The following ST7L variants were observed in gnomAD, a reference collection of about 807,000 sequenced individuals.
ST7L encodes the protein suppression of tumorigenicity 7 like, also known as suppressor of tumorigenicity 7 protein-like.
Under a neutral mutation model 72.5 loss-of-function variants are expected in ST7L, and 57 were observed. That is an observed-to-expected ratio of 0.79 (90% CI 0.64 to 0.98). ST7L has a LOEUF of 0.98. ST7L is among the 50% of genes least tolerant of loss of function. ST7L has a pLI of 0.00. For missense variants in ST7L, 576 were observed against 672.2 expected, an observed-to-expected ratio of 0.86 and a Z score of 1.58; for synonymous variants, 221 against 240.9, an observed-to-expected ratio of 0.92 and a Z score of 0.77.
chr1:112,518,765 A>G (rs1314805565), downstream of ST7L, among the ~76,000 whole-genome samples: 1 of 152,172 alleles, frequency 6.6e-6, no homozygotes, highest in Non-Finnish European at 1.5e-5. Context: ...TAGGCCTCCT[A>G]AAACCCAAAG....
chr1:112,583,889 T>G, intron 7 of ST7L, 83 bp downstream of exon 7: 1 of 1,482,310 alleles, frequency 6.7e-7, no homozygotes, highest in Non-Finnish European at 9.1e-7. Flanking sequence ...AAGTATTAAG[T>G]TTTTTATTAT....
chr1:112,611,907 C>A (rs7546203), intron 2 of ST7L, among the ~76,000 whole-genome samples: 31,871 of 144,132 alleles, frequency 0.22, 3,615 homozygotes, highest in Middle Eastern at 0.28. Flanking sequence ...GAGGTCAAGG[C>A]TGCAGTGAGC....
At chr1:112,592,732 T>C (rs1665894954) in intron 5 of ST7L, among the ~76,000 whole-genome samples, 1 of 152,228 alleles carries the variant, frequency 6.6e-6, no homozygotes, top group African/African-American at 2.4e-5. Context: ...GGTACTCTAG[T>C]ATATTAAATA....
At chr1:112,526,263 A>G in intron 14 of ST7L, 152 bp from the exon 15 acceptor site, 1 of 911,138 alleles carries the variant, frequency 1.1e-6, no homozygotes, top group Non-Finnish European at 1.7e-6. Context: ...TGCCACTATT[A>G]CCACCAGTAC....
intron 14 of ST7L, chr1:112,539,745 C>G (rs572704758): frequency 1.0e-6 from 1 of 984,716 alleles, no homozygotes; most frequent in African/African-American, 1.8e-5. Flanking sequence ...TTAAATGGAA[C>G]CTGCCTTTGG....
At chr1:112,538,620 C>T (rs1655594413) in intron 14 of ST7L, among the ~76,000 whole-genome samples, 1 of 152,178 alleles carries the variant, frequency 6.6e-6, no homozygotes, top group Non-Finnish European at 1.5e-5. Flanking sequence ...GCTGGGATTA[C>T]AAGCACGAGA....
At chr1:112,581,734 TATTCTGA>T (rs1245080739) in intron 9 of ST7L, among the ~76,000 whole-genome samples, 1 of 152,138 alleles carries the variant, frequency 6.6e-6, no homozygotes, top group African/African-American at 2.4e-5. Flanking sequence ...TTCACTGTCA[TATTCTGA>T]ATGACTCACT....
chr1:112,556,966 C>CAAAAAAAAAAAAAAAAAAAAAAAAA (rs60106072), intron 11 of ST7L, among the ~76,000 whole-genome samples: 27 of 49,526 alleles, frequency 5.5e-4, no homozygotes, highest in Middle Eastern at 0.019. Context: ...GACTCTGTCT[C>CAAAAAAAAAAAAAAAAAAAAAAAAA]AAAAAAAAAA....
chr1:112,595,431 G>A (rs990106414), intron 5 of ST7L, among the ~76,000 whole-genome samples: 1 of 149,562 alleles, frequency 6.7e-6, no homozygotes, highest in African/African-American at 2.5e-5. Flanking sequence ...TGCTTGCTTG[G>A]TTGTTTTTTT....
At chr1:112,613,859 C>T (rs12079136) in intron 2 of ST7L, among the ~76,000 whole-genome samples, 2,009 of 152,144 alleles carry the variant, frequency 0.013, 56 homozygotes, top group African/African-American at 0.046. Flanking sequence ...TCTGAAGTAG[C>T]TGGGACTACA....
intron 5 of ST7L, among the ~76,000 whole-genome samples, chr1:112,593,393 G>A (rs1232361541): frequency 6.6e-5 from 10 of 152,012 alleles, no homozygotes; most frequent in Non-Finnish European, 1.5e-5. Context: ...ATTAAAACAA[G>A]CAATTAGCAA....
intron 3 of ST7L, among the ~76,000 whole-genome samples, chr1:112,606,220 G>C (rs1668216823): frequency 6.6e-6 from 1 of 152,222 alleles, no homozygotes; most frequent in Non-Finnish European, 1.5e-5. Context: ...GATAGGCTGA[G>C]AATTTCCAAA....
chr1:112,529,719 G>T (rs1213850628), intron 14 of ST7L: 3 of 142,686 alleles, frequency 2.1e-5, no homozygotes, highest in African/African-American at 7.9e-5. Flanking sequence ...AAAACAGAAG[G>T]TTACTCTCAA....
At chr1:112,570,737 A>G (rs1571088430) in intron 11 of ST7L, 2 of 456,348 alleles carry the variant, frequency 4.4e-6, no homozygotes, top group African/African-American at 2.0e-5. Flanking sequence ...GGGTCTGTAC[A>G]TACTTCATCA....
intron 3 of ST7L, among the ~76,000 whole-genome samples, chr1:112,606,837 CTCT>C (rs1272340574): frequency 1.3e-5 from 2 of 152,172 alleles, no homozygotes; most frequent in Non-Finnish European, 2.9e-5. Context: ...AGCAATCCCT[CTCT>C]TCTTCTTACA....
intron 6 of ST7L, among the ~76,000 whole-genome samples, chr1:112,584,471 A>G (rs1664590523): frequency 6.6e-6 from 1 of 151,618 alleles, no homozygotes; most frequent in Non-Finnish European, 1.5e-5. Context: ...TCTGAATTGT[A>G]TACCCTCTAC....
At chr1:112,614,086 T>C (rs1402018931) in intron 2 of ST7L, among the ~76,000 whole-genome samples, 1 of 152,160 alleles carries the variant, frequency 6.6e-6, no homozygotes, top group African/African-American at 2.4e-5. Context: ...CCCCCTCTTA[T>C]AAATGAGGAA....
At chr1:112,558,142 C>T (rs1290938366) in intron 11 of ST7L, among the ~76,000 whole-genome samples, 1 of 152,112 alleles carries the variant, frequency 6.6e-6, no homozygotes, top group Non-Finnish European at 1.5e-5. Flanking sequence ...TTTGAAATTA[C>T]CTCTTTGGTT....
intron 1 of ST7L, chr1:112,618,052 T>G: frequency 1.5e-6 from 2 of 1,303,894 alleles, no homozygotes; most frequent in Middle Eastern, 4.3e-4. Context: ...ATTTGCTGCC[T>G]TTTGCTTCAG....
Sources: allele counts gnomAD v4.1 joint callset (sites outside exome capture counted in the v4.1 genomes callset), GRCh38; gene constraint gnomAD v4.1.1; transcripts MANE v1.5; gene names NCBI Gene and HGNC (gene_info 2026-07-23, HGNC 2026-07-21).